The following NTM variants were observed in gnomAD, a reference collection of about 807,000 sequenced individuals.
The protein encoded by NTM is neurotrimin.
In NTM, 13 loss-of-function variants were observed where a neutral mutation model predicts 42.1. The ratio of observed to expected loss-of-function variants is 0.31; its 90% CI spans 0.20 to 0.49. The LOEUF is 0.49. Among genes scored for constraint, NTM ranks in the 20% least tolerant of loss-of-function variants. The pLI is 0.99. For synonymous variants in NTM, 187 were observed against 179.2 expected (o/e 1.04, Z -0.35); for missense variants, 373 against 452.8 (o/e 0.82, Z 1.60).
intron 2 of NTM, among the ~76,000 whole-genome samples, chr11:132,131,873 GA>G (rs1298897533): frequency 6.6e-6 from 1 of 152,164 alleles, no homozygotes; most frequent in Admixed American, 6.5e-5. Context: ...ATGGTCCATT[GA>G]AGCTTAGGAA....
At chr11:131,815,657 C>G (rs952920490) in intron 1 of NTM, among the ~76,000 whole-genome samples, 9 of 152,176 alleles carry the variant, frequency 5.9e-5, no homozygotes, top group Non-Finnish European at 1.2e-4. Flanking sequence ...CGCCTCTCCC[C>G]CAGCCCCTCG....
At chr11:131,799,051 G>A (rs2091875760) in intron 1 of NTM, among the ~76,000 whole-genome samples, 1 of 152,186 alleles carries the variant, frequency 6.6e-6, no homozygotes, top group Admixed American at 6.5e-5. Context: ...CAGAAAATTT[G>A]CCAGCAACTC....
intron 4 of NTM, among the ~76,000 whole-genome samples, chr11:132,296,948 A>G (rs553136369): frequency 3.3e-5 from 5 of 152,302 alleles, no homozygotes; most frequent in African/African-American, 1.2e-4. Flanking sequence ...AAATGTTTAT[A>G]AAGACTCATT....
chr11:131,841,302 T>C (rs1027658934), intron 1 of NTM, among the ~76,000 whole-genome samples: 6 of 152,306 alleles, frequency 3.9e-5, no homozygotes, highest in Non-Finnish European at 5.9e-5. Flanking sequence ...ATGATGGTGT[T>C]TTTCACATCA....
chr11:131,648,072 T>A (rs1045529769), intron 1 of NTM, among the ~76,000 whole-genome samples: 1 of 152,198 alleles, frequency 6.6e-6, no homozygotes, highest in African/African-American at 2.4e-5. Context: ...TGTGTTCTCA[T>A]CACTTAGCTC....
chr11:132,210,620 T>G (rs1232219586), intron 3 of NTM, among the ~76,000 whole-genome samples: 1 of 152,128 alleles, frequency 6.6e-6, no homozygotes, highest in Admixed American at 6.5e-5. Context: ...ATAAGACAGA[T>G]AAGTAGACAC....
At chr11:132,059,433 G>A (rs2080252941) in intron 2 of NTM, among the ~76,000 whole-genome samples, 1 of 152,240 alleles carries the variant, frequency 6.6e-6, no homozygotes, top group South Asian at 2.1e-4. Flanking sequence ...TAGAACTAGA[G>A]AGCAGGGCGA....
intron 1 of NTM, among the ~76,000 whole-genome samples, chr11:131,578,324 C>A (rs569376420): frequency 6.6e-6 from 1 of 152,314 alleles, no homozygotes; most frequent in African/African-American, 2.4e-5. Context: ...TATCTGATGT[C>A]AGATTCAGTT....
At chr11:132,001,014 G>T (rs373645461) in intron 2 of NTM, among the ~76,000 whole-genome samples, 14 of 152,178 alleles carry the variant, frequency 9.2e-5, no homozygotes, top group African/African-American at 3.1e-4. Context: ...AGCATTCATA[G>T]TCATCTGCCA....
intron 1 of NTM, among the ~76,000 whole-genome samples, chr11:131,524,015 G>C (rs2050119819): frequency 6.6e-6 from 1 of 152,124 alleles, no homozygotes; most frequent in African/African-American, 2.4e-5. Context: ...AATAATTCGG[G>C]TAGTGTGCCT....
At chr11:131,452,842 A>G (rs1324211879) in intron 1 of NTM, among the ~76,000 whole-genome samples, 2 of 152,192 alleles carry the variant, frequency 1.3e-5, no homozygotes, top group African/African-American at 4.8e-5. Flanking sequence ...CGCTCAGATG[A>G]CTGAGGCTGC....
At chr11:131,971,699 T>G (rs759316330) in intron 2 of NTM, among the ~76,000 whole-genome samples, 3 of 151,198 alleles carry the variant, frequency 2.0e-5, no homozygotes, top group Non-Finnish European at 2.9e-5. Flanking sequence ...TATATTAAAA[T>G]GACCATCTCA....
intron 3 of NTM, among the ~76,000 whole-genome samples, chr11:132,168,598 G>A (rs1048341221): frequency 6.6e-6 from 1 of 152,152 alleles, no homozygotes; most frequent in Non-Finnish European, 1.5e-5. Flanking sequence ...CTCATCTCCT[G>A]GGCAGTGTTT....
intron 1 of NTM, among the ~76,000 whole-genome samples, chr11:131,405,965 T>G (rs1360766557): frequency 2.0e-5 from 3 of 152,198 alleles, no homozygotes; most frequent in Non-Finnish European, 4.4e-5. Flanking sequence ...ACAATTCAAC[T>G]CTCAGAGAGC....
In NTM at chr11:131,551,615, T is replaced by C. The variant is rs116634929; in HGVS notation, c.82+180727T>C. On this transcript the variant is annotated intron_variant, in intron 1 of 8. Coordinates refer to ENST00000683400, the MANE Select transcript of NTM (RefSeq NM_001352005.2). The stretch of plus-strand genomic sequence containing the variant: ...TGGTCCACCATTTTCTCTTTATACC[T>C]CTGTGAACATCCTTGTGTATGTTCA... 9.4e-3 allele frequency among the ~76,000 whole-genome samples: 1,427 copies of C among 152,264 alleles called. 22 individuals are homozygous for C. The highest frequency in any genetic ancestry group is 0.032 in the African/African-American group (1,329 of 41,558).
chr11:132,314,406 T>C (rs575659812), intron 6 of NTM, 146 bp from the exon 7 acceptor site: 1 of 821,204 alleles, frequency 1.2e-6, no homozygotes, highest in South Asian at 2.0e-5. Context: ...TACTACATTA[T>C]GGTGTGGTTG....
intron 4 of NTM, among the ~76,000 whole-genome samples, chr11:132,297,415 CCTT>C (rs1461065690): frequency 1.3e-5 from 2 of 152,168 alleles, no homozygotes; most frequent in South Asian, 2.1e-4. Flanking sequence ...CTTCCCTCCT[CCTT>C]CTATGTGCAA....
chr11:131,439,797 C>T (rs1303029918), intron 1 of NTM, among the ~76,000 whole-genome samples: 1 of 152,176 alleles, frequency 6.6e-6, no homozygotes, highest in Non-Finnish European at 1.5e-5. Context: ...TGTTTCAGCT[C>T]ACCCTCCATG....
chr11:132,041,714 C>G (rs2077229974), intron 2 of NTM, among the ~76,000 whole-genome samples: 1 of 152,148 alleles, frequency 6.6e-6, no homozygotes, highest in South Asian at 2.1e-4. Flanking sequence ...CCCAGTACTG[C>G]TGAGTTGCTG....
Sources: allele counts gnomAD v4.1 joint callset (sites outside exome capture counted in the v4.1 genomes callset), GRCh38; gene constraint gnomAD v4.1.1; transcripts MANE v1.5; gene names NCBI Gene and HGNC (gene_info 2026-07-23, HGNC 2026-07-21).